The following SENP1 variants were observed in gnomAD, a reference collection of about 807,000 sequenced individuals.
The protein encoded by SENP1 is sentrin-specific protease 1.
SENP1 carries 21 observed loss-of-function variants against 93.0 expected under a neutral mutation model. The observed-to-expected ratio is 0.23, with a 90% CI of 0.16 to 0.33. The LOEUF is 0.33. Among genes scored for constraint, SENP1 ranks in the 10% least tolerant of loss-of-function variants. SENP1 has a pLI of 1.00. For synonymous variants in SENP1, 256 were observed against 259.6 expected, an observed-to-expected ratio of 0.99 and a Z score of 0.13; for missense variants, 591 against 758.7, an observed-to-expected ratio of 0.78 and a Z score of 2.60.
chr12:48,074,392 T>C lies in SENP1; in HGVS notation c.872A>G (p.His291Arg). The part of the protein sequence containing the change: ...FGSKDSGTLH[H>R]PHHHHSVPHQ... ...TGGAACAGAGTGGTGATGATGGGGATGATGAAGAGTACCAGAATCTTTGGA... is the reference window on the plus strand; with the variant it reads ...TGGAACAGAGTGGTGATGATGGGGACGATGAAGAGTACCAGAATCTTTGGA... Residue 291 changes from histidine (H) to arginine (R), a missense_variant, in exon 8 of 18, where the codon CAT (histidine) becomes CGT (arginine). Coordinates refer to ENST00000549518, the MANE Select transcript of SENP1 (RefSeq NM_001267594.2). 1.2e-6 allele frequency: 2 copies of C among 1,613,812 alleles called. No individual in the cohort carries two copies. The highest frequency in any genetic ancestry group is 1.3e-5 in the African/African-American group (1 of 75,020).
chr12:48,067,727 G>A (rs1943394700), intron 9 of SENP1, among the ~76,000 whole-genome samples: 1 of 152,006 alleles, frequency 6.6e-6, no homozygotes, highest in Non-Finnish European at 1.5e-5. Context: ...TAATCCCAGT[G>A]CTTTAGGACG....
intron 13 of SENP1, among the ~76,000 whole-genome samples, chr12:48,057,978 G>A (rs1172965021): frequency 1.8e-5 from 2 of 109,846 alleles, no homozygotes; most frequent in African/African-American, 3.7e-5. Flanking sequence ...ATAAAGTCTC[G>A]CTCCATTGCC....
chr12:48,101,287 A>G (rs1373644416), intron 2 of SENP1, among the ~76,000 whole-genome samples, 182 bp downstream of exon 2: 1 of 152,246 alleles, frequency 6.6e-6, no homozygotes, highest in Non-Finnish European at 1.5e-5. Context: ...CTACGTTTCA[A>G]AAATAGCAAT....
rs1156399293 is a variant in SENP1, at chr12:48,056,472, ATAT to A, written c.1407+7235_1407+7237del. ...TATATTACATATTACATATATAAAT[ATAT>A]TATTTAATATATTACATATTACATA... On this transcript the variant is annotated intron_variant, in intron 13 of 17. Transcript: ENST00000549518. 2.4e-4 allele frequency among the ~76,000 whole-genome samples: 15 copies of A among 62,234 alleles called. 2 individuals carry two copies. The highest frequency in any genetic ancestry group is 1.5e-3 in the South Asian group (4 of 2,618). The allele number at this position is 62,234 out of a possible 152,430, so 40.8% of individuals were successfully genotyped here. A position where few individuals can be genotyped will look rare whatever the true frequency, so the allele number is the denominator to read the frequency against.
chr12:48,054,313 T>A (rs1338186945), intron 13 of SENP1, among the ~76,000 whole-genome samples: 2 of 152,244 alleles, frequency 1.3e-5, no homozygotes, highest in Non-Finnish European at 2.9e-5. Context: ...TGTACATATT[T>A]AGGTTGCTAA....
At chr12:48,054,490 C>G (rs78939680) in intron 13 of SENP1, among the ~76,000 whole-genome samples, 1 of 152,024 alleles carries the variant, frequency 6.6e-6, no homozygotes, top group East Asian at 1.9e-4. Flanking sequence ...TATGTCTTTA[C>G]ATTTAAAATG....
intron 6 of SENP1, among the ~76,000 whole-genome samples, chr12:48,081,758 A>C (rs565683873): frequency 2.0e-5 from 3 of 151,608 alleles, no homozygotes; most frequent in East Asian, 3.9e-4. Flanking sequence ...TAGAGACAGG[A>C]TCTCACTATG....
At chr12:48,085,445 C>CACAA in intron 5 of SENP1, 3 of 778,032 alleles carry the variant, frequency 3.9e-6, no homozygotes, top group Non-Finnish European at 6.1e-6. Context: ...GGACTCCTCA[C>CACAA]AGCCCTCAGC....
At chr12:48,102,802 C>T (rs1946044005) in intron 1 of SENP1, among the ~76,000 whole-genome samples, 1 of 138,602 alleles carries the variant, frequency 7.2e-6, no homozygotes, top group Non-Finnish European at 1.5e-5. Context: ...CAGGGCGAGA[C>T]TCCGTCTCAA....
chr12:48,046,488 A>T (rs530460414), intron 16 of SENP1, 37 bp from the exon 17 acceptor site: 1 of 1,352,432 alleles, frequency 7.4e-7, no homozygotes, highest in Non-Finnish European at 1.1e-6. Context: ...ACATCTTTCC[A>T]AGCTTCTTTC....
chr12:48,080,760 T>C (rs1375448724), intron 6 of SENP1, among the ~76,000 whole-genome samples: 1 of 152,248 alleles, frequency 6.6e-6, no homozygotes, highest in Non-Finnish European at 1.5e-5. Flanking sequence ...ATTCATGTTA[T>C]ATGGCTTATT....
chr12:48,105,415 G>C, intron 1 of SENP1: 2 of 519,038 alleles, frequency 3.9e-6, no homozygotes, highest in Non-Finnish European at 7.7e-6. Flanking sequence ...GAGGCGATGA[G>C]CCAGGTAAGC....
chr12:48,046,702 T>C (rs1359804393), intron 16 of SENP1, among the ~76,000 whole-genome samples: 2 of 151,864 alleles, frequency 1.3e-5, no homozygotes, highest in African/African-American at 4.8e-5. Context: ...TAAAAACTGC[T>C]CCCTCCCCCA....
rs187899496 is a variant in SENP1, at chr12:48,069,197, C to T, written c.996-2232G>A. Reference sequence around the variant, plus strand: ...AAAAAAAGAAAGAAAGAAAAGGAAGCAAAATAAGAGCTTACCAAGTAGACA... The same window carrying T: ...AAAAAAAGAAAGAAAGAAAAGGAAGTAAAATAAGAGCTTACCAAGTAGACA... On this transcript the variant is annotated intron_variant, in intron 9 of 17. Transcript: ENST00000549518. Among the ~76,000 whole-genome samples, 22 of 130,190 alleles carry T rather than the reference C, an allele frequency of 1.7e-4. No individual in the cohort carries two copies. In the East Asian group the frequency reaches 4.3e-3, roughly 26 times the overall value. 85.4% of individuals were successfully genotyped at this position (130,190 alleles called of 152,430 possible).
intron 4 of SENP1, among the ~76,000 whole-genome samples, chr12:48,091,626 T>A (rs1398165405): frequency 1.3e-5 from 2 of 152,144 alleles, no homozygotes; most frequent in African/African-American, 4.8e-5. Flanking sequence ...TTGATAATGA[T>A]TCTAAGCACA....
intron 4 of SENP1, among the ~76,000 whole-genome samples, chr12:48,093,029 C>T (rs975892041): frequency 2.0e-5 from 3 of 152,130 alleles, no homozygotes; most frequent in Non-Finnish European, 4.4e-5. Flanking sequence ...AAGGCACACA[C>T]CCATTATCCC....
chr12:48,082,234 C>G (rs1323289308), intron 6 of SENP1, among the ~76,000 whole-genome samples: 3 of 152,114 alleles, frequency 2.0e-5, no homozygotes, highest in African/African-American at 7.2e-5. Context: ...TTTTTAGTAA[C>G]CATATCACAA....
intron 9 of SENP1, 75 bp from the exon 10 acceptor site, chr12:48,067,040 AAAC>A (rs2136978605): frequency 2.0e-6 from 2 of 983,406 alleles, no homozygotes; most frequent in Non-Finnish European, 3.1e-6. Context: ...TCATCAATAA[AAAC>A]AATCATTTAA....
rs796712934 is a variant in SENP1, at chr12:48,059,014, T to C, written c.1407+4696A>G. Among the ~76,000 whole-genome samples, 4 of 152,362 alleles carry C rather than the reference T, an allele frequency of 2.6e-5. No individual in the cohort carries two copies. The South Asian group carries it at 8.3e-4, about 32-fold the overall frequency. On this transcript the variant is annotated intron_variant, in intron 13 of 17. Coordinates refer to ENST00000549518, the MANE Select transcript of SENP1 (RefSeq NM_001267594.2). ...CCTATCTTTGTTCTTCTGTACTTAA[T>C]GTGCCTTTTTCCTTCTCGTTGCACT...
Sources: gnomAD v4.1 joint callset for allele counts (sites outside exome capture counted in the v4.1 genomes callset) on GRCh38, gnomAD v4.1.1 for gene constraint, MANE v1.5 for transcripts, NCBI Gene and HGNC (gene_info 2026-07-23, HGNC 2026-07-21) for gene names.